The following FOXK2 variants were observed in gnomAD, a reference collection of about 807,000 sequenced individuals.
FOXK2 encodes forkhead box protein K2.
Under a neutral mutation model 53.3 loss-of-function variants are expected in FOXK2, and 24 were observed. The observed-to-expected ratio is 0.45, with a 90% CI of 0.33 to 0.63. The LOEUF (loss-of-function observed/expected upper bound fraction) is 0.63. Among genes scored for constraint, FOXK2 ranks in the 30% least tolerant of loss-of-function variants. The pLI, the probability that FOXK2 is intolerant of heterozygous loss-of-function variation, is 0.03. For synonymous variants in FOXK2, 505 were observed against 407.1 expected (o/e 1.24, Z -2.89); for missense variants, 952 against 910.5 (o/e 1.05, Z -0.59).
chr17:82,600,091 G>C (rs1274891105), intron 8 of FOXK2: 21 of 152,388 alleles, frequency 1.4e-4, no homozygotes, highest in Admixed American at 1.4e-3. Context: ...TGTGTGCGCA[G>C]CCTAGGGGCC....
chr17:82,579,002 G>C (rs1255738721), intron 4 of FOXK2, among the ~76,000 whole-genome samples: 1 of 152,158 alleles, frequency 6.6e-6, no homozygotes, highest in African/African-American at 2.4e-5. Context: ...CCTTCACTTC[G>C]GGGCTTGTTG....
chr17:82,579,169 A>G (rs1222905370), intron 4 of FOXK2, among the ~76,000 whole-genome samples: 2 of 152,058 alleles, frequency 1.3e-5, no homozygotes, highest in East Asian at 3.9e-4. Flanking sequence ...GTTTTATATT[A>G]CCATCGTGTG....
At chr17:82,555,045 A>G (rs1335981324) in intron 1 of FOXK2, among the ~76,000 whole-genome samples, 1 of 152,128 alleles carries the variant, frequency 6.6e-6, no homozygotes, top group Non-Finnish European at 1.5e-5. Flanking sequence ...CACTGCTCCC[A>G]GCCCCAAATA....
intron 1 of FOXK2, among the ~76,000 whole-genome samples, chr17:82,561,798 A>ACCCTG (rs1363924036): frequency 6.6e-6 from 1 of 151,440 alleles, no homozygotes; most frequent in African/African-American, 2.4e-5. Context: ...CACAGGCTGG[A>ACCCTG]CCCTTCTTGG....
intron 4 of FOXK2, among the ~76,000 whole-genome samples, chr17:82,572,956 C>T (rs755219023): frequency 2.0e-5 from 3 of 152,114 alleles, no homozygotes; most frequent in East Asian, 1.9e-4. Context: ...CTTTGAGAGC[C>T]GAGGCAGGTG....
intron 1 of FOXK2, among the ~76,000 whole-genome samples, chr17:82,546,147 C>T (rs2044623419): frequency 2.7e-5 from 3 of 111,752 alleles, no homozygotes; most frequent in South Asian, 3.1e-4. Context: ...GATGGAGTCT[C>T]GCTTGGTCGC....
At chr17:82,534,603 A>G (rs557470275) in intron 1 of FOXK2, among the ~76,000 whole-genome samples, 1 of 152,104 alleles carries the variant, frequency 6.6e-6, no homozygotes, top group Non-Finnish European at 1.5e-5. Flanking sequence ...GGACTGCGCT[A>G]CTGGAGCACA....
At chr17:82,549,914 A>C (rs2044660031) in intron 1 of FOXK2, among the ~76,000 whole-genome samples, 2 of 152,210 alleles carry the variant, frequency 1.3e-5, no homozygotes. Flanking sequence ...TTGAGAAAGC[A>C]GGAAAAGGCC....
Position 82,573,558 on chromosome 17 carries a change from TCTCTCACACA to T in FOXK2, c.909+1690_909+1699del, listed in dbSNP as rs1261681838. On this transcript the variant is annotated intron_variant, in intron 4 of 8. Coordinates refer to ENST00000335255, the MANE Select transcript of FOXK2 (RefSeq NM_004514.4). ...CACACTCTCTCTCTCTCTCTCTCTCTCTCTCACACACACACACACACACACACACACACAC... is the reference window on the plus strand; with the variant it reads ...CACACTCTCTCTCTCTCTCTCTCTCTCACACACACACACACACACACACAC... Among the ~76,000 whole-genome samples, 645 of 90,686 alleles carry T rather than the reference TCTCTCACACA, an allele frequency of 7.1e-3. 3 individuals carry two copies. Among genetic ancestry groups the T allele is most frequent in the Middle Eastern group, 9.7e-3 (2 of 206 alleles). 59.5% of individuals were successfully genotyped at this position (90,686 alleles called of 152,430 possible).
intron 8 of FOXK2, among the ~76,000 whole-genome samples, chr17:82,598,196 T>C (rs78100736): frequency 0.051 from 7,753 of 152,344 alleles, 254 homozygotes; most frequent in Middle Eastern, 0.11. Context: ...CTGTCGTTTC[T>C]AGTTTTACGT....
At position 82,601,599 on chromosome 17, in the gene FOXK2, C is replaced by T; in HGVS notation, c.*100C>T. The T allele has an allele frequency of 8.0e-7, 1 of 1,245,434 alleles. No individual in the cohort carries two copies. Among genetic ancestry groups the T allele is most frequent in the Non-Finnish European group, 1.1e-6 (1 of 918,508 alleles). The allele number at this position is 1,245,434 out of a possible 1,614,324, so 77.1% of individuals were successfully genotyped here. On this transcript the variant is annotated 3_prime_UTR_variant, in exon 9 of 9. Coordinates refer to ENST00000335255, the MANE Select transcript of FOXK2 (RefSeq NM_004514.4). ...GGGGGTGCAGGGCCCTGTGGTTGGA[C>T]TTCACCTCTCAGCACTGAAAACCCA... is the stretch of plus-strand genomic sequence containing the variant.
At chr17:82,590,920 G>A (rs778194323) in intron 8 of FOXK2, among the ~76,000 whole-genome samples, 3 of 152,080 alleles carry the variant, frequency 2.0e-5, no homozygotes, top group Non-Finnish European at 4.4e-5. Flanking sequence ...CAGATAGGCC[G>A]AGGCTGGGCT....
At chr17:82,524,287 C>G (rs2044396317) in intron 1 of FOXK2, among the ~76,000 whole-genome samples, 1 of 152,174 alleles carries the variant, frequency 6.6e-6, no homozygotes, top group Admixed American at 6.6e-5. Flanking sequence ...TCGTTGGTCT[C>G]TTATTTGAAC....
chr17:82,532,848 G>C (rs964904657), intron 1 of FOXK2, among the ~76,000 whole-genome samples: 4 of 152,162 alleles, frequency 2.6e-5, no homozygotes, highest in African/African-American at 9.7e-5. Flanking sequence ...GATTACAGGT[G>C]TGAGCCACCG....
At chr17:82,529,475 C>T (rs994705431) in intron 1 of FOXK2, among the ~76,000 whole-genome samples, 29 of 151,886 alleles carry the variant, frequency 1.9e-4, no homozygotes, top group African/African-American at 2.9e-4. Flanking sequence ...CTGCAACCTC[C>T]GCCTCCCAGG....
At position 82,582,791 on chromosome 17, in the gene FOXK2, G is replaced by C; in HGVS notation, c.960G>C (p.Pro320=). ...LSLNRYFIKV[P]RSQEEPGKGS... ...TGAATCGTTATTTCATCAAAGTGCC[G>C]CGTTCCCAGGAAGAACCAGGCAAAG... Residue 320 remains proline, a synonymous_variant, in exon 5 of 9, where the codon CCG becomes CCC. Coordinates refer to ENST00000335255, the MANE Select transcript of FOXK2 (RefSeq NM_004514.4). The C allele has an allele frequency of 6.2e-7, 1 of 1,608,572 alleles. No homozygotes were observed. Among genetic ancestry groups the C allele is most frequent in the Non-Finnish European group, 8.5e-7 (1 of 1,178,632 alleles).
chr17:82,586,548 C>CA lies in FOXK2; in HGVS notation c.1576+348_1576+349insA, dbSNP rs113255929. Among the ~76,000 whole-genome samples, 11 of 57,538 alleles carry CA rather than the reference C, an allele frequency of 1.9e-4. 1 individual carries two copies. Among genetic ancestry groups the CA allele is most frequent in the African/African-American group, 9.0e-4 (7 of 7,788 alleles). 37.7% of individuals were successfully genotyped at this position (57,538 alleles called of 152,430 possible). Reference sequence around the variant, plus strand: ...AGACCACAGGGAGGTCAAAGGTAGGCGGAGGGGAAAGGAGGAGAGGCTGCC... The same window carrying CA: ...AGACCACAGGGAGGTCAAAGGTAGGCAGGAGGGGAAAGGAGGAGAGGCTGCC... On this transcript the variant is annotated intron_variant, in intron 7 of 8. Transcript: ENST00000335255.
intron 4 of FOXK2, among the ~76,000 whole-genome samples, chr17:82,581,710 C>T (rs867644372): frequency 6.6e-6 from 1 of 152,056 alleles, no homozygotes; most frequent in Non-Finnish European, 1.5e-5. Flanking sequence ...CTCCTGACCT[C>T]GTGATCCGCC....
chr17:82,547,011 A>AG (rs2044632570), intron 1 of FOXK2, among the ~76,000 whole-genome samples: 1 of 150,212 alleles, frequency 6.7e-6, no homozygotes. Context: ...CGGGAGGTGG[A>AG]GGTCACAGTG....
Sources: allele counts gnomAD v4.1 joint callset (sites outside exome capture counted in the v4.1 genomes callset), GRCh38; gene constraint gnomAD v4.1.1; transcripts MANE v1.5; gene names NCBI Gene and HGNC (gene_info 2026-07-23, HGNC 2026-07-21).